The following ALG5 variants were observed in gnomAD, a reference collection of about 807,000 sequenced individuals.
ALG5 encodes ALG5 dolichyl-phosphate beta-glucosyltransferase.
In ALG5, 26 loss-of-function variants were observed where a neutral mutation model predicts 51.8. The ratio of observed to expected loss-of-function variants is 0.50; its 90% CI spans 0.37 to 0.70. The LOEUF (loss-of-function observed/expected upper bound fraction) is 0.70. Among genes scored for constraint, ALG5 ranks in the 30% least tolerant of loss-of-function variants. The pLI is 0.00. For synonymous variants in ALG5, 141 were observed against 136.1 expected (o/e 1.04, Z -0.25); for missense variants, 311 against 399.3 (o/e 0.78, Z 1.88).
chr13:36,962,273 A>T (rs889959412), intron 8 of ALG5, among the ~76,000 whole-genome samples: 12 of 152,214 alleles, frequency 7.9e-5, no homozygotes, highest in African/African-American at 2.9e-4. Context: ...TCTGTAACTT[A>T]TATTGTTCTT....
intron 4 of ALG5, 150 bp from the exon 5 acceptor site, chr13:36,989,726 A>T: frequency 1.7e-6 from 1 of 595,994 alleles, no homozygotes; most frequent in Non-Finnish European, 2.9e-6. Context: ...GATGACCTGG[A>T]GGAGCTGTAG....
At position 36,958,139 on chromosome 13, in the gene ALG5, G is replaced by A. The variant is rs560709618; in HGVS notation, c.774-5540C>T. ...GAATCGCAGATCCCCAATCCCCATG[G>A]CCTTCCCTTGTCATATTTTCCTCCT... On this transcript the variant is annotated intron_variant, in intron 8 of 9. Transcript: ENST00000239891. 9.2e-5 allele frequency among the ~76,000 whole-genome samples: 14 copies of A among 152,038 alleles called. No homozygotes were observed. The East Asian group carries it at 2.3e-3, about 25-fold the overall frequency.
chr13:36,974,240 A>G (rs1407173444), intron 6 of ALG5, among the ~76,000 whole-genome samples: 1 of 152,242 alleles, frequency 6.6e-6, no homozygotes, highest in Non-Finnish European at 1.5e-5. Context: ...AATAAAAGAA[A>G]TGAGTAACAC....
At chr13:36,960,307 T>C (rs996389786) in intron 8 of ALG5, among the ~76,000 whole-genome samples, 3 of 152,166 alleles carry the variant, frequency 2.0e-5, no homozygotes, top group African/African-American at 7.2e-5. Context: ...GAAATAGCTA[T>C]GCAGACCCAT....
At chr13:36,958,630 G>A (rs1045618216) in intron 8 of ALG5, among the ~76,000 whole-genome samples, 2 of 152,114 alleles carry the variant, frequency 1.3e-5, no homozygotes, top group African/African-American at 2.4e-5. Context: ...CAGCACTTGG[G>A]TTTTCCTGTT....
At chr13:36,961,224 T>C (rs2138786504) in intron 8 of ALG5, among the ~76,000 whole-genome samples, 1 of 152,138 alleles carries the variant, frequency 6.6e-6, no homozygotes, top group East Asian at 1.9e-4. Flanking sequence ...GGGACCAGCC[T>C]GGCAATGTGG....
intron 6 of ALG5, among the ~76,000 whole-genome samples, chr13:36,982,623 G>A (rs925729941): frequency 6.6e-6 from 1 of 152,202 alleles, no homozygotes; most frequent in Non-Finnish European, 1.5e-5. Flanking sequence ...AATTACATAA[G>A]TAAGAAGATT....
At position 36,995,597 on chromosome 13, in the gene ALG5, C is replaced by T. The variant is rs1398546722; in HGVS notation, c.67-1G>A. ...CAGTTGTAAATGCAACGATGGAAATCTAAAAGCAGACATACATGTCTTTTA... is the reference window on the plus strand; with the variant it reads ...CAGTTGTAAATGCAACGATGGAAATTTAAAAGCAGACATACATGTCTTTTA... On this transcript the variant is annotated splice_acceptor_variant, in intron 1 of 9. Coordinates refer to ENST00000239891, the MANE Select transcript of ALG5 (RefSeq NM_013338.5). LOFTEE classifies it high-confidence loss of function. 1 of 1,598,360 alleles carries T rather than the reference C, an allele frequency of 6.3e-7. No homozygotes were observed. Among genetic ancestry groups the T allele is most frequent in the African/African-American group, 1.4e-5 (1 of 73,552 alleles).
intron 7 of ALG5, among the ~76,000 whole-genome samples, chr13:36,968,953 TCTCTA>T (rs1296741311): frequency 2.0e-5 from 3 of 152,192 alleles, no homozygotes; most frequent in African/African-American, 7.2e-5. Flanking sequence ...CAACCAATGA[TCTCTA>T]GTGAGTATCA....
At chr13:36,979,556 C>T (rs1188718109) in intron 6 of ALG5, among the ~76,000 whole-genome samples, 1 of 152,182 alleles carries the variant, frequency 6.6e-6, no homozygotes, top group South Asian at 2.1e-4. Context: ...CCAAGGATTA[C>T]TATATTAGAG....
At chr13:36,951,060 T>C (rs895035176) in intron 9 of ALG5, among the ~76,000 whole-genome samples, 2 of 152,216 alleles carry the variant, frequency 1.3e-5, no homozygotes, top group African/African-American at 2.4e-5. Flanking sequence ...CAAAGCACTG[T>C]AGAGACATTA....
At chr13:36,961,996 C>A (rs1288967328) in intron 8 of ALG5, among the ~76,000 whole-genome samples, 1 of 152,190 alleles carries the variant, frequency 6.6e-6, no homozygotes, top group African/African-American at 2.4e-5. Context: ...CCATTTTGGC[C>A]AGGCTGGTCT....
chr13:36,989,637 T>C (rs1255612560), intron 4 of ALG5, 61 bp from the exon 5 acceptor site: 5 of 1,360,194 alleles, frequency 3.7e-6, no homozygotes, highest in Non-Finnish European at 5.2e-6. Context: ...TTATATAAGC[T>C]GTGTTTCTTG....
chr13:36,956,180 A>G (rs2058838939), intron 8 of ALG5, among the ~76,000 whole-genome samples: 1 of 152,198 alleles, frequency 6.6e-6, no homozygotes, highest in Non-Finnish European at 1.5e-5. Context: ...TGATTAAAAA[A>G]TGGGCAAGGG....
At chr13:36,968,004 C>T in intron 7 of ALG5, 1 of 227,038 alleles carries the variant, frequency 4.4e-6, no homozygotes. Flanking sequence ...AGGATAATGG[C>T]TATTTTTTAA....
intron 8 of ALG5, among the ~76,000 whole-genome samples, chr13:36,957,403 C>A (rs1464424037): frequency 6.6e-6 from 1 of 152,072 alleles, no homozygotes; most frequent in Non-Finnish European, 1.5e-5. Flanking sequence ...GGCACTAATT[C>A]ATGAAATAAT....
intron 6 of ALG5, among the ~76,000 whole-genome samples, chr13:36,972,533 C>A (rs1309154949): frequency 2.0e-5 from 3 of 151,276 alleles, no homozygotes; most frequent in Middle Eastern, 7.0e-3. Flanking sequence ...ATTTATAACA[C>A]CAATAAAAAT....
intron 6 of ALG5, among the ~76,000 whole-genome samples, chr13:36,972,811 C>CCCCGTTTAGTA (rs2058931093): frequency 6.6e-6 from 1 of 151,782 alleles, no homozygotes; most frequent in Admixed American, 6.6e-5. Flanking sequence ...GCTAACACAG[C>CCCCGTTTAGTA]GAAACCCCGT....
chr13:36,953,548 T>A (rs1243008761), intron 8 of ALG5, among the ~76,000 whole-genome samples: 1 of 152,220 alleles, frequency 6.6e-6, no homozygotes, highest in Admixed American at 6.5e-5. Flanking sequence ...TTTGCCTTCA[T>A]CCATGAGTCA....
Sources: gnomAD v4.1 joint callset for allele counts (sites outside exome capture counted in the v4.1 genomes callset) on GRCh38, gnomAD v4.1.1 for gene constraint, MANE v1.5 for transcripts, NCBI Gene and HGNC (gene_info 2026-07-23, HGNC 2026-07-21) for gene names.